GPHN: variants seen among roughly 807,000 people sequenced by gnomAD.
The protein encoded by GPHN is gephyrin.
GPHN carries 17 observed loss-of-function variants against 95.5 expected under a neutral mutation model. The ratio of observed to expected loss-of-function variants is 0.18; its 90% CI spans 0.12 to 0.27. The LOEUF (loss-of-function observed/expected upper bound fraction) is 0.27. Ranked by LOEUF, GPHN falls within the 10% of genes least tolerant of loss-of-function variation. The probability of loss-of-function intolerance (pLI) is 1.00; values close to 1 mark genes in which losing one functional copy is unlikely to be tolerated. For missense variants in GPHN, 660 were observed against 978.1 expected, an observed-to-expected ratio of 0.67 and a Z score of 4.34; for synonymous variants, 320 against 322.5, an observed-to-expected ratio of 0.99 and a Z score of 0.08.
the GPHN span, among the ~76,000 whole-genome samples, chr14:67,445,519 G>A: frequency 6.7e-6 from 1 of 150,120 alleles, no homozygotes; most frequent in African/African-American, 2.5e-5. Context: ...GAAAAAACAT[G>A]CAGAGAGAAA....
intron 2 of GPHN, among the ~76,000 whole-genome samples, chr14:66,730,595 T>C (rs540953521): frequency 2.0e-5 from 3 of 152,268 alleles, no homozygotes; most frequent in South Asian, 2.1e-4. Flanking sequence ...AAAAGTAATA[T>C]TAAAATAGTT....
intron 4 of GPHN, among the ~76,000 whole-genome samples, chr14:66,877,635 A>G (rs1186356313): frequency 6.6e-6 from 1 of 152,198 alleles, no homozygotes; most frequent in Admixed American, 6.5e-5. Flanking sequence ...CCCATTCACA[A>G]TTGCTACAAA....
chr14:67,349,027 G>A, the GPHN span: 1 of 1,613,076 alleles, frequency 6.2e-7, no homozygotes, highest in Non-Finnish European at 8.5e-7. Flanking sequence ...CTAAAAGGTT[G>A]AAACGTTACC....
chr14:67,455,680 A>T, the GPHN span, among the ~76,000 whole-genome samples: 1 of 152,190 alleles, frequency 6.6e-6, no homozygotes, highest in African/African-American at 2.4e-5. Flanking sequence ...TAAAATAATC[A>T]TTTATTTATA....
the GPHN span, among the ~76,000 whole-genome samples, chr14:67,426,624 G>A: frequency 2.0e-5 from 3 of 152,176 alleles, no homozygotes; most frequent in East Asian, 3.9e-4. Flanking sequence ...TGCCCAGGCT[G>A]GAGTGTAATG....
chr14:67,313,023 A>G, the GPHN span, among the ~76,000 whole-genome samples: 11 of 152,132 alleles, frequency 7.2e-5, no homozygotes, highest in Non-Finnish European at 1.2e-4. Context: ...ACTATATACT[A>G]TGACATTAAT....
the GPHN span, among the ~76,000 whole-genome samples, chr14:67,635,722 A>G: frequency 6.6e-6 from 1 of 152,142 alleles, no homozygotes; most frequent in Admixed American, 6.5e-5. Context: ...GCGTGGTGGC[A>G]GGCACCTGTA....
At chr14:67,129,999 C>G (rs749683054) in intron 17 of GPHN, among the ~76,000 whole-genome samples, 1 of 152,172 alleles carries the variant, frequency 6.6e-6, no homozygotes, top group African/African-American at 2.4e-5. Flanking sequence ...TTCAACCTCT[C>G]ATTATAAATT....
chr14:66,986,315 CCT>C (rs748316979), intron 9 of GPHN, among the ~76,000 whole-genome samples: 4 of 151,924 alleles, frequency 2.6e-5, no homozygotes, highest in Non-Finnish European at 5.9e-5. Context: ...CTCTTAATCC[CCT>C]CTGTTTTATT....
At chr14:67,578,994 C>T in the GPHN span, 4 of 658,524 alleles carry the variant, frequency 6.1e-6, no homozygotes, top group Admixed American at 1.1e-4. The surrounding 1 kb of genome is among the most constrained non-coding windows in gnomAD (Gnocchi z 5.0). Flanking sequence ...ATTAATGTCC[C>T]AGACCAGAGT....
At chr14:67,480,694 C>T in the GPHN span, among the ~76,000 whole-genome samples, 102 of 152,288 alleles carry the variant, frequency 6.7e-4, no homozygotes, top group Non-Finnish European at 1.1e-3. Context: ...CCCCAGGGCC[C>T]GGGCTGAGGG....
intron 1 of GPHN, among the ~76,000 whole-genome samples, chr14:66,516,008 T>C (rs2058225446): frequency 7.4e-6 from 1 of 135,636 alleles, no homozygotes; most frequent in Admixed American, 7.5e-5. Flanking sequence ...ATTTTTTTGA[T>C]ACACATTTTT....
chr14:67,144,258 T>C lies in GPHN; in HGVS notation c.1836+809T>C, dbSNP rs1361085671. 9.9e-4 allele frequency among the ~76,000 whole-genome samples: 85 copies of C among 85,822 alleles called. 9 individuals carry two copies. Among genetic ancestry groups the C allele is most frequent in the African/African-American group, 2.8e-3 (47 of 16,654 alleles). The allele number at this position is 85,822 out of a possible 152,430, so 56.3% of individuals were successfully genotyped here. ...TCTTAAAAAAAAAAAAAAATATATA[T>C]ATATATATATATATATATATATATA... On this transcript the variant is annotated intron_variant, in intron 18 of 22. Coordinates refer to ENST00000478722, the MANE Select transcript of GPHN (RefSeq NM_020806.5).
chr14:67,391,496 G>A, the GPHN span, among the ~76,000 whole-genome samples: 6 of 152,058 alleles, frequency 3.9e-5, no homozygotes, highest in Non-Finnish European at 5.9e-5. Context: ...GGCAGCAGTG[G>A]GGATGATAAG....
the GPHN span, among the ~76,000 whole-genome samples, chr14:67,272,984 G>C: frequency 0.019 from 2,953 of 152,056 alleles, 42 homozygotes; most frequent in Middle Eastern, 0.034. Context: ...TGTAACCTTC[G>C]TATTTCTTGA....
chr14:66,511,926 A>T (rs1432510121), intron 1 of GPHN, among the ~76,000 whole-genome samples: 3 of 152,036 alleles, frequency 2.0e-5, no homozygotes, highest in African/African-American at 7.2e-5. Context: ...ATTATTGTCC[A>T]TCTCTAACAA....
chr14:67,732,152 T>G, the GPHN span, among the ~76,000 whole-genome samples: 44 of 143,018 alleles, frequency 3.1e-4, 1 homozygote, highest in East Asian at 9.0e-3. Flanking sequence ...AAAAAAAATT[T>G]AAGGCTGGGT....
the GPHN span, among the ~76,000 whole-genome samples, chr14:67,705,484 A>G: frequency 3.3e-5 from 5 of 152,368 alleles, no homozygotes; most frequent in Non-Finnish European, 5.9e-5. Context: ...TGCCCCAGGT[A>G]GGCTAATTTG....
chr14:66,893,342 C>A (rs1303456401), intron 5 of GPHN, among the ~76,000 whole-genome samples: 2 of 152,096 alleles, frequency 1.3e-5, no homozygotes, highest in Non-Finnish European at 2.9e-5. Flanking sequence ...TGGTTGCAGC[C>A]CACTGAGTGT....
Sources: gnomAD v4.1 joint callset for allele counts (sites outside exome capture counted in the v4.1 genomes callset) on GRCh38, gnomAD v4.1.1 for gene constraint, Gnocchi (gnomAD v3.1) non-coding constraint, MANE v1.5 for transcripts, NCBI Gene and HGNC (gene_info 2026-07-23, HGNC 2026-07-21) for gene names.